Variants in ALDH16A1 observed in about 807,000 individuals in gnomAD.
ALDH16A1 encodes aldehyde dehydrogenase family 16 member A1.
ALDH16A1 carries 88 observed loss-of-function variants against 96.1 expected under a neutral mutation model. That is an observed-to-expected ratio of 0.92 (90% CI 0.77 to 1.09). The LOEUF (loss-of-function observed/expected upper bound fraction) is 1.09, where lower values mean the gene tolerates loss of function less well. ALDH16A1 is among the 50% of genes least tolerant of loss of function. The pLI, the probability that ALDH16A1 is intolerant of heterozygous loss-of-function variation, is 0.00. For synonymous variants in ALDH16A1, 522 were observed against 496.4 expected, an observed-to-expected ratio of 1.05 and a Z score of -0.69; for missense variants, 1,250 against 1,112.6, an observed-to-expected ratio of 1.12 and a Z score of -1.76.
In ALDH16A1 at chr19:49,464,159, C is replaced by G; in HGVS notation, c.1227C>G (p.Phe409Leu). The change falls in exon 10 of 17, where the codon TTC (phenylalanine) becomes TTG (leucine). Residue 409 changes from phenylalanine to leucine, a missense_variant. Coordinates refer to ENST00000293350, the MANE Select transcript of ALDH16A1 (RefSeq NM_153329.4). ...VPWPVVVASP[F>L]RTAKEALLVA... ...GGCCTGTGGTCGTGGCCTCCCCCTT[C>G]CGCACAGCCAAGGAGGCACTGTTGG... 6.2e-7 allele frequency: 1 copy of G among 1,608,928 alleles called. No individual in the cohort carries two copies. Among genetic ancestry groups the G allele is most frequent in the Non-Finnish European group, 8.5e-7 (1 of 1,179,556 alleles).
chr19:49,460,934 T>C, intron 5 of ALDH16A1, 35 bp downstream of exon 5: 1 of 1,599,090 alleles, frequency 6.3e-7, no homozygotes, highest in Non-Finnish European at 8.6e-7. Context: ...GACTCTTGGG[T>C]CTGAGAAAGG....
chr19:49,458,869 T>C (rs2079120618), intron 2 of ALDH16A1, 91 bp from the exon 3 acceptor site: 12 of 1,520,286 alleles, frequency 7.9e-6, no homozygotes, highest in African/African-American at 1.4e-5. Flanking sequence ...CTTTACACTC[T>C]TGGGCTGATC....
At position 49,459,321 on chromosome 19, in the gene ALDH16A1, G is replaced by A. The variant is rs985312660; in HGVS notation, c.320+235G>A. Among the ~76,000 whole-genome samples, 1 of 152,180 alleles carries A rather than the reference G, an allele frequency of 6.6e-6. No individual in the cohort carries two copies. Among genetic ancestry groups the A allele is most frequent in the Non-Finnish European group, 1.5e-5 (1 of 68,020 alleles). Reference sequence around the variant, plus strand: ...CAGGACATTCTTGGAGTGCATTGGGGCTCAGTTCACTGGGGCTGGTGAAGC... The same window carrying A: ...CAGGACATTCTTGGAGTGCATTGGGACTCAGTTCACTGGGGCTGGTGAAGC... On this transcript the variant is annotated intron_variant, in intron 3 of 16. Coordinates refer to ENST00000293350, the MANE Select transcript of ALDH16A1 (RefSeq NM_153329.4). This position sits in a 1 kb window ranked among gnomAD's most constrained non-coding sequence, Gnocchi z 4.1.
rs755890562 is a variant in ALDH16A1 at position 49,468,415 on chromosome 19, G to A, written c.1973G>A (p.Arg658Gln). The part of the protein sequence containing the change: ...AGLRGPVLRL[R>Q]EPLGVLAVVC... Reference sequence around the variant, plus strand: ...CTGAGAGGCCCTGTGCTGCGCCTGCGGGAGCCGCTGGGTGTGCTGGCTGTG... The same window carrying A: ...CTGAGAGGCCCTGTGCTGCGCCTGCAGGAGCCGCTGGGTGTGCTGGCTGTG... Residue 658 changes from arginine (R) to glutamine (Q), a missense_variant, in exon 15 of 17, where the codon CGG becomes CAG. Transcript: ENST00000293350. This position sits in a 1 kb window ranked among gnomAD's most constrained non-coding sequence, Gnocchi z 4.4. The A allele has an allele frequency of 1.6e-5, 25 of 1,600,374 alleles. No homozygotes were observed. Among genetic ancestry groups the A allele is most frequent in the East Asian group, 4.5e-5 (2 of 44,866 alleles).
At chr19:49,465,597 C>A in intron 12 of ALDH16A1, 141 bp from the exon 13 acceptor site, 1 of 1,003,976 alleles carries the variant, frequency 1.0e-6, no homozygotes, top group Non-Finnish European at 1.4e-6. Flanking sequence ...GTTTTAGGGT[C>A]CCCCAGAGGC....
In ALDH16A1 at chr19:49,468,788, AT is replaced by A; in HGVS notation, c.2125-75del. 2.7e-6 allele frequency: 4 copies of A among 1,487,496 alleles called. No homozygotes were observed. Among genetic ancestry groups the A allele is most frequent in the Non-Finnish European group, 2.7e-6 (3 of 1,099,010 alleles). The allele number at this position is 1,487,496 out of a possible 1,614,324, so 92.1% of individuals were successfully genotyped here. A position where few individuals can be genotyped will look rare whatever the true frequency, so the allele number is the denominator to read the frequency against. On this transcript the variant is annotated intron_variant, in intron 15 of 16. Transcript: ENST00000293350. The surrounding 1 kb of genome is among the most constrained non-coding windows in gnomAD (Gnocchi z 4.4). ...ATGACCCCCCATCCCCTTCCCTCCC[AT>A]GGGCACCCCCTGAATGCCCACTCCT...
chr19:49,453,516 A>C, intron 1 of ALDH16A1, 95 bp downstream of exon 1: 1 of 1,175,362 alleles, frequency 8.5e-7, no homozygotes, highest in East Asian at 2.6e-5. Flanking sequence ...GCGGTAGCTC[A>C]GCCGCTCCGC....
chr19:49,464,338 C>G (rs917255833), intron 10 of ALDH16A1, 75 bp downstream of exon 10: 46 of 1,573,016 alleles, frequency 2.9e-5, no homozygotes, highest in Admixed American at 7.2e-5. Flanking sequence ...CTGGGTCGCT[C>G]CCCGCGCCTT....
At position 49,458,888 on chromosome 19, in the gene ALDH16A1, G is replaced by A. The variant is rs533741466; in HGVS notation, c.194-72G>A. 1.5e-5 allele frequency: 23 copies of A among 1,560,228 alleles called. No individual in the cohort carries two copies. The East Asian group carries it at 3.6e-4, about 25-fold the overall frequency. ...ACACTCTTGGGCTGATCCAGGCTCC[G>A]AAAATCTCAGCCCCCTCCAGATATG... On this transcript the variant is annotated intron_variant, in intron 2 of 16. Transcript: ENST00000293350.
intron 8 of ALDH16A1, 147 bp downstream of exon 8, chr19:49,462,902 A>C (rs536419341): frequency 5.3e-4 from 257 of 484,966 alleles, no homozygotes; most frequent in Non-Finnish European, 2.7e-4. Flanking sequence ...GGTCTGAAGG[A>C]GGAGGGGCTG....
intron 16 of ALDH16A1, 96 bp downstream of exon 16, chr19:49,469,082 T>A (rs1002814981): frequency 6.7e-7 from 1 of 1,492,526 alleles, no homozygotes; most frequent in African/African-American, 1.4e-5. Flanking sequence ...AGAACTCCTG[T>A]TGGTAAGGGG....
In ALDH16A1 at chr19:49,458,587, A is replaced by G. The variant is rs61732840; in HGVS notation, c.192A>G (p.Thr64=). 1 of 1,556,688 alleles carries G rather than the reference A, an allele frequency of 6.4e-7. No individual in the cohort carries two copies. Among genetic ancestry groups the G allele is most frequent in the Non-Finnish European group, 8.7e-7 (1 of 1,148,918 alleles). Residue 64 remains threonine (T), a splice_region_variant and synonymous_variant, in exon 2 of 17, where the codon ACA becomes ACG. Coordinates refer to ENST00000293350, the MANE Select transcript of ALDH16A1 (RefSeq NM_153329.4). Reference sequence around the variant, plus strand: ...CAGTGCCTTGCCAGGATCCCATCACAGGTACGAGATGTCCCCCAGTCATTA... The same window carrying G: ...CAGTGCCTTGCCAGGATCCCATCACGGGTACGAGATGTCCCCCAGTCATTA... ...RNSVPCQDPI[T]GENLASCLQA...
In ALDH16A1 at chr19:49,465,880, G is replaced by A. The variant is rs755391022; in HGVS notation, c.1711G>A (p.Glu571Lys). The change falls in exon 13 of 17, where the codon GAG becomes AAG. Residue 571 changes from glutamate (E) to lysine (K), a missense_variant. Physicochemically the swap from Glu to Lys is moderately conservative, Grantham distance 56. Transcript: ENST00000293350. ...GGAKDIRGAV[E>K]AAHQAFPGWA... ...AGCCAAGGACATCCGAGGTGCTGTG[G>A]AGGCCGCTCACCAGGCTTTCCCTGG... is the stretch of plus-strand genomic sequence containing the variant. 2 of 1,614,058 alleles carry A rather than the reference G, an allele frequency of 1.2e-6. No individual in the cohort carries two copies.
At chr19:49,464,603 G>T in intron 11 of ALDH16A1, 29 bp from the exon 12 acceptor site, 1 of 1,613,876 alleles carries the variant, frequency 6.2e-7, no homozygotes, top group Non-Finnish European at 8.5e-7. Flanking sequence ...CGTGCCCCTT[G>T]CATCCTCTTG....
At position 49,470,648 on chromosome 19, in the gene ALDH16A1, C is replaced by CTT. The variant is rs55713893; in HGVS notation, c.*198_*199dup. ...CTTCTGGCAGATATGAGGCTTTTTT[C>CTT]TTTTTTTTTTTTTTTTTTGAGACAA... is the stretch of plus-strand genomic sequence containing the variant. On this transcript the variant is annotated 3_prime_UTR_variant, in exon 17 of 17. Coordinates refer to ENST00000293350, the MANE Select transcript of ALDH16A1 (RefSeq NM_153329.4). 60,660 of 335,604 alleles carry CTT rather than the reference C, an allele frequency of 0.18. 5,548 individuals are homozygous for CTT. The highest frequency in any genetic ancestry group is 0.29 in the African/African-American group (10,944 of 38,106). The allele number at this position is 335,604 out of a possible 1,614,324, so 20.8% of individuals were successfully genotyped here.
chr19:49,460,919 G>C lies in ALDH16A1; in HGVS notation c.577+20G>C. 1 of 1,609,152 alleles carries C rather than the reference G, an allele frequency of 6.2e-7. No individual in the cohort carries two copies. Among genetic ancestry groups the C allele is most frequent in the Non-Finnish European group, 8.5e-7 (1 of 1,176,568 alleles). On this transcript the variant is annotated intron_variant, in intron 5 of 16. Coordinates refer to ENST00000293350, the MANE Select transcript of ALDH16A1 (RefSeq NM_153329.4). Reference sequence around the variant, plus strand: ...CTGTGGGTAAATGATGGCCTGGGGGGTCCTGACTCTTGGGTCTGAGAAAGG... The same window carrying C: ...CTGTGGGTAAATGATGGCCTGGGGGCTCCTGACTCTTGGGTCTGAGAAAGG...
At chr19:49,455,933 A>T (rs2079102625) in intron 1 of ALDH16A1, among the ~76,000 whole-genome samples, 1 of 152,106 alleles carries the variant, frequency 6.6e-6, no homozygotes, top group Non-Finnish European at 1.5e-5. Context: ...CCATGTAAAC[A>T]TCCGGGAGGT....
chr19:49,461,974 A>C lies in ALDH16A1; in HGVS notation c.850A>C (p.Thr284Pro). Reference sequence around the variant, plus strand: ...GGAGTCGCTGCTGCTGCTGACGGACACGGCGGACGTAGACTCGGCCGTGGA... The same window carrying C: ...GGAGTCGCTGCTGCTGCTGACGGACCCGGCGGACGTAGACTCGGCCGTGGA... ...GTESLLLLTD[T>P]ADVDSAVEGV... Residue 284 changes from threonine (T) to proline (P), a missense_variant, in exon 7 of 17, where the codon ACG becomes CCG. Physicochemically the swap from Thr to Pro is conservative, Grantham distance 38. Coordinates refer to ENST00000293350, the MANE Select transcript of ALDH16A1 (RefSeq NM_153329.4). The C allele has an allele frequency of 4.5e-6, 7 of 1,556,028 alleles. No homozygotes were observed. Among genetic ancestry groups the C allele is most frequent in the Non-Finnish European group, 6.1e-6 (7 of 1,153,732 alleles).
intron 16 of ALDH16A1, 80 bp downstream of exon 16, chr19:49,469,066 C>T (rs2079223837): frequency 6.6e-7 from 1 of 1,521,392 alleles, no homozygotes; most frequent in Non-Finnish European, 8.8e-7. Flanking sequence ...ACAGCCCCGC[C>T]CTCTTAGAAC....
Sources: gnomAD v4.1 joint callset for allele counts (sites outside exome capture counted in the v4.1 genomes callset) on GRCh38, gnomAD v4.1.1 for gene constraint, Gnocchi (gnomAD v3.1) non-coding constraint, MANE v1.5 for transcripts, NCBI Gene and HGNC (gene_info 2026-07-23, HGNC 2026-07-21) for gene names.